Variants in ARHGEF28 observed in about 807,000 individuals in gnomAD.
ARHGEF28 encodes the protein Rho guanine nucleotide exchange factor 28.
In ARHGEF28, 152 loss-of-function variants were observed where a neutral mutation model predicts 206.6. The ratio of observed to expected loss-of-function variants is 0.74; its 90% CI spans 0.64 to 0.84. The LOEUF is 0.84. ARHGEF28 is among the 40% of genes least tolerant of loss of function. ARHGEF28 has a pLI of 0.00. For synonymous variants in ARHGEF28, 763 were observed against 776.4 expected (o/e 0.98, Z 0.29); for missense variants, 2,028 against 2,073.2 (o/e 0.98, Z 0.42).
intron 4 of ARHGEF28, among the ~76,000 whole-genome samples, chr5:73,764,430 C>T (rs576398022): frequency 1.1e-3 from 160 of 152,322 alleles, no homozygotes; most frequent in African/African-American, 3.8e-3. Flanking sequence ...ATTCGTTCCA[C>T]AAGCTAAAAT....
intron 2 of ARHGEF28, among the ~76,000 whole-genome samples, chr5:73,699,282 G>A (rs1473502223): frequency 1.3e-5 from 2 of 151,902 alleles, no homozygotes; most frequent in Non-Finnish European, 2.9e-5. Context: ...AATCTTTTGA[G>A]GTGCATGGCT....
At chr5:73,786,056 C>CAAAA (rs61560155) in intron 7 of ARHGEF28, among the ~76,000 whole-genome samples, 1 of 76,462 alleles carries the variant, frequency 1.3e-5, no homozygotes, top group Non-Finnish European at 3.1e-5. Context: ...TGGCAGTAAC[C>CAAAA]AAAAAAAAAA....
At chr5:73,641,608 G>A (rs567123598) in intron 1 of ARHGEF28, among the ~76,000 whole-genome samples, 1 of 152,224 alleles carries the variant, frequency 6.6e-6, no homozygotes, top group South Asian at 2.1e-4. Context: ...TATCGCATCT[G>A]GATCTTGTCT....
intron 14 of ARHGEF28, 35 bp downstream of exon 14, chr5:73,852,727 G>A: frequency 1.9e-6 from 3 of 1,600,520 alleles, no homozygotes; most frequent in Non-Finnish European, 2.6e-6. Flanking sequence ...CTGAGGAACT[G>A]CATGATCCTT....
intron 1 of ARHGEF28, among the ~76,000 whole-genome samples, chr5:73,668,746 C>G (rs1746125641): frequency 1.1e-5 from 1 of 91,924 alleles, no homozygotes; most frequent in Non-Finnish European, 2.3e-5. Flanking sequence ...TTATTAACTT[C>G]TGAGTACTCT....
At chr5:73,715,278 A>G (rs924799552) in intron 2 of ARHGEF28, among the ~76,000 whole-genome samples, 8 of 152,162 alleles carry the variant, frequency 5.3e-5, no homozygotes, top group African/African-American at 1.9e-4. Flanking sequence ...GCTGCTGCTG[A>G]ATTGTGCTGC....
chr5:73,791,566 GT>G (rs35217963), intron 7 of ARHGEF28, among the ~76,000 whole-genome samples: 69,361 of 151,968 alleles, frequency 0.46, 15,947 homozygotes, highest in Non-Finnish European at 0.47. Flanking sequence ...TGTGTTTTTG[GT>G]TGTAAGCTTT....
chr5:73,749,058 C>T (rs1256171563), intron 2 of ARHGEF28, among the ~76,000 whole-genome samples: 1 of 152,134 alleles, frequency 6.6e-6, no homozygotes, highest in African/African-American at 2.4e-5. Context: ...GTGGCAGCTC[C>T]TCTCCTTGGG....
At chr5:73,845,848 C>T (rs147852849) in intron 11 of ARHGEF28, among the ~76,000 whole-genome samples, 3 of 151,588 alleles carry the variant, frequency 2.0e-5, no homozygotes, top group Non-Finnish European at 2.9e-5. Context: ...ATTGGCCGGG[C>T]GTGGTGGCGC....
chr5:73,753,017 G>A lies in ARHGEF28; in HGVS notation c.290G>A (p.Cys97Tyr). The change falls in exon 4 of 36, where the codon TGC (cysteine) becomes TAC (tyrosine). Residue 97 changes from cysteine to tyrosine, a missense_variant. Around this residue, in one of 3 missense-constraint regions of ARHGEF28, gnomAD observed 1,002 missense variants for 1,015.3 expected, o/e 0.99. Coordinates refer to ENST00000513042, the MANE Select transcript of ARHGEF28 (RefSeq NM_001177693.2). The part of the protein sequence containing the change: ...GSVTYVDNMA[C>Y]RLARLLVTQA... ...GTGACCTACGTGGACAACATGGCTTGCAGGCTGGCTCGTCTGCTGGTGACG... is the reference window on the plus strand; with the variant it reads ...GTGACCTACGTGGACAACATGGCTTACAGGCTGGCTCGTCTGCTGGTGACG... 1.9e-6 allele frequency: 3 copies of A among 1,612,646 alleles called. No homozygotes were observed. The highest frequency in any genetic ancestry group is 2.5e-6 in the Non-Finnish European group (3 of 1,179,328).
At chr5:73,799,848 C>G (rs1319686177) in intron 9 of ARHGEF28, among the ~76,000 whole-genome samples, 4 of 152,096 alleles carry the variant, frequency 2.6e-5, no homozygotes, top group Non-Finnish European at 5.9e-5. Flanking sequence ...CACTGGCTGG[C>G]ATCCTCCTTT....
At position 73,840,704 on chromosome 5, in the gene ARHGEF28, T is replaced by C. The variant is rs1757935133; in HGVS notation, c.1371T>C (p.Asn457=). 1.2e-6 allele frequency: 2 copies of C among 1,612,574 alleles called. No homozygotes were observed. The highest frequency in any genetic ancestry group is 1.7e-6 in the Non-Finnish European group (2 of 1,179,176). ...SPSSSCASNL[N]LSFGWHGFEK... is the part of the protein sequence containing the mutation. ...CAAGTTCGTGTGCTTCCAACTTGAA[T>C]CTTTCTTTTGGTTGGCATGGATTTG... Residue 457 remains asparagine (N), a synonymous_variant, in exon 11 of 36, where the codon AAT becomes AAC. Coordinates refer to ENST00000513042, the MANE Select transcript of ARHGEF28 (RefSeq NM_001177693.2).
chr5:73,813,489 C>A, intron 9 of ARHGEF28: 1 of 1,503,740 alleles, frequency 6.7e-7, no homozygotes, highest in Non-Finnish European at 8.9e-7. Flanking sequence ...TCATTCCTTC[C>A]CTTTACATCA....
intron 11 of ARHGEF28, among the ~76,000 whole-genome samples, chr5:73,845,972 G>A (rs571762100): frequency 3.5e-3 from 52 of 14,938 alleles, no homozygotes; most frequent in Non-Finnish European, 9.2e-3. Context: ...TAGGCAACAA[G>A]AACAAAACTG....
intron 4 of ARHGEF28, among the ~76,000 whole-genome samples, chr5:73,764,499 A>G (rs563537242): frequency 1.3e-5 from 2 of 152,232 alleles, no homozygotes; most frequent in Admixed American, 1.3e-4. Flanking sequence ...AGTGTTATAC[A>G]GCACTATGTG....
intron 2 of ARHGEF28, among the ~76,000 whole-genome samples, chr5:73,706,409 TTC>T (rs1257466501): frequency 6.6e-6 from 1 of 152,110 alleles, no homozygotes; most frequent in Non-Finnish European, 1.5e-5. Context: ...TGATTTTGAT[TTC>T]TCTGTGTTAA....
At chr5:73,786,381 A>G (rs1010583667) in intron 7 of ARHGEF28, 9 of 152,186 alleles carry the variant, frequency 5.9e-5, no homozygotes, top group Admixed American at 1.3e-4. Flanking sequence ...CTTACCGACC[A>G]CACTATAGAC....
chr5:73,914,537 C>T (rs1362403420), intron 35 of ARHGEF28, among the ~76,000 whole-genome samples: 1 of 151,442 alleles, frequency 6.6e-6, no homozygotes, highest in African/African-American at 2.4e-5. Flanking sequence ...GCTGGGATTA[C>T]AGGTGCCCGC....
At chr5:73,798,510 A>G (rs1416013619) in intron 9 of ARHGEF28, among the ~76,000 whole-genome samples, 3 of 152,180 alleles carry the variant, frequency 2.0e-5, no homozygotes, top group Admixed American at 1.3e-4. Context: ...GCTGACATCT[A>G]TGTCTAATGC....
Sources: gnomAD v4.1 joint callset for allele counts (sites outside exome capture counted in the v4.1 genomes callset) on GRCh38, gnomAD v4.1.1 for gene constraint, gnomAD v4.1.1 regional missense constraint, MANE v1.5 for transcripts, NCBI Gene and HGNC (gene_info 2026-07-23, HGNC 2026-07-21) for gene names.